Variants in MSI2 observed in about 807,000 individuals in gnomAD.
The protein encoded by MSI2 is RNA-binding protein Musashi homolog 2.
In MSI2, 17 loss-of-function variants were observed where a neutral mutation model predicts 45.6. That is an observed-to-expected ratio of 0.37 (90% confidence interval 0.26 to 0.56). The LOEUF (loss-of-function observed/expected upper bound fraction) is 0.56. MSI2 is among the 20% of genes least tolerant of loss of function. The pLI, the probability that MSI2 is intolerant of heterozygous loss-of-function variation, is 0.77. For missense variants in MSI2, 293 were observed against 444.2 expected (o/e 0.66, Z 3.06); for synonymous variants, 156 against 158.2 (o/e 0.99, Z 0.11).
At chr17:57,331,284 T>C (rs1243161106) in intron 5 of MSI2, among the ~76,000 whole-genome samples, 1 of 152,216 alleles carries the variant, frequency 6.6e-6, no homozygotes, top group Non-Finnish European at 1.5e-5. Flanking sequence ...CAGGACACAC[T>C]GTCCAGTCTT....
intron 13 of MSI2, among the ~76,000 whole-genome samples, chr17:57,678,817 T>A (rs1187608746): frequency 1.3e-5 from 2 of 152,190 alleles, no homozygotes; most frequent in African/African-American, 4.8e-5. Flanking sequence ...GGTGAGCTCA[T>A]AGAGTCAGAT....
chr17:57,697,143 GACACAC>G, the MSI2 span, among the ~76,000 whole-genome samples: 1 of 54,098 alleles, frequency 1.8e-5, no homozygotes, highest in Non-Finnish European at 3.8e-5. Flanking sequence ...TCGCCAGCAG[GACACAC>G]ACACACACAC....
chr17:57,275,040 G>A (rs981811365), intron 5 of MSI2, among the ~76,000 whole-genome samples: 1 of 152,218 alleles, frequency 6.6e-6, no homozygotes, highest in South Asian at 2.1e-4. Context: ...AAGATACAAA[G>A]TGTTCTGTTC....
intron 7 of MSI2, among the ~76,000 whole-genome samples, chr17:57,565,267 A>G (rs2087700587): frequency 6.6e-6 from 1 of 152,002 alleles, no homozygotes; most frequent in Admixed American, 6.5e-5. Flanking sequence ...TGGATTTCCC[A>G]TTTTTCTGTA....
intron 7 of MSI2, among the ~76,000 whole-genome samples, chr17:57,536,324 C>T (rs9894423): frequency 0.037 from 5,612 of 152,176 alleles, 338 homozygotes; most frequent in African/African-American, 0.13. Context: ...TTGACAAAAA[C>T]GATCAGACCC....
chr17:57,571,078 G>A (rs889425302), intron 7 of MSI2, among the ~76,000 whole-genome samples: 5 of 152,330 alleles, frequency 3.3e-5, no homozygotes, highest in South Asian at 2.1e-4. Flanking sequence ...TTGATGTATT[G>A]GGTCCAGTGA....
At chr17:57,452,551 C>T (rs774240957) in intron 6 of MSI2, among the ~76,000 whole-genome samples, 9 of 152,240 alleles carry the variant, frequency 5.9e-5, no homozygotes, top group African/African-American at 1.9e-4. Context: ...CTGCTTGCTT[C>T]CACTCTGTAC....
chr17:57,286,425 T>G (rs1321971979), intron 5 of MSI2, among the ~76,000 whole-genome samples: 1 of 152,212 alleles, frequency 6.6e-6, no homozygotes, highest in African/African-American at 2.4e-5. Context: ...CTGAGAGTCA[T>G]TGATTCACTA....
intron 5 of MSI2, among the ~76,000 whole-genome samples, chr17:57,377,034 C>T (rs1466314351): frequency 6.6e-6 from 1 of 152,034 alleles, no homozygotes; most frequent in African/African-American, 2.4e-5. Context: ...CATTCTCCTG[C>T]CTCAGCCTCC....
At chr17:57,353,907 T>C (rs1207557830) in intron 5 of MSI2, among the ~76,000 whole-genome samples, 2 of 152,102 alleles carry the variant, frequency 1.3e-5, no homozygotes, top group African/African-American at 4.8e-5. Context: ...ATAGTAAATA[T>C]TTTAGGCTTT....
intron 5 of MSI2, among the ~76,000 whole-genome samples, chr17:57,323,233 C>T (rs1177633933): frequency 1.3e-5 from 2 of 152,146 alleles, no homozygotes; most frequent in Non-Finnish European, 2.9e-5. Flanking sequence ...CTCATCTGTT[C>T]CACACAGATT....
At chr17:57,329,574 G>T (rs935312297) in intron 5 of MSI2, among the ~76,000 whole-genome samples, 2 of 152,190 alleles carry the variant, frequency 1.3e-5, no homozygotes, top group African/African-American at 2.4e-5. Flanking sequence ...GTGGGTGTTT[G>T]TGTGGGGAGG....
chr17:57,649,281 C>T (rs746759712), intron 10 of MSI2, among the ~76,000 whole-genome samples: 90 of 151,884 alleles, frequency 5.9e-4, no homozygotes, highest in African/African-American at 9.2e-4. Context: ...GTACACAATA[C>T]GTACACTCAA....
intron 7 of MSI2, among the ~76,000 whole-genome samples, chr17:57,562,530 G>A (rs1410576686): frequency 1.3e-5 from 2 of 152,244 alleles, no homozygotes; most frequent in Admixed American, 1.3e-4. Context: ...CGTAGCACGC[G>A]ACAGTGGGTC....
At chr17:57,334,948 C>CTT (rs199679226) in intron 5 of MSI2, among the ~76,000 whole-genome samples, 1,732 of 144,452 alleles carry the variant, frequency 0.012, 37 homozygotes, top group African/African-American at 0.042. Context: ...GAGCAAGTAG[C>CTT]TTTTTTTTTT....
Position 57,258,350 on chromosome 17 carries a change from A to G in MSI2, c.266A>G (p.Lys89Arg). 1 of 1,613,714 alleles carries G rather than the reference A, an allele frequency of 6.2e-7. No homozygotes were observed. The highest frequency in any genetic ancestry group is 8.5e-7 in the Non-Finnish European group (1 of 1,179,580). Residue 89 changes from lysine to arginine, a missense_variant, in exon 4 of 14, where the codon AAG becomes AGG. Physicochemically the swap from Lys to Arg is conservative, Grantham distance 26. Transcript: ENST00000284073. ...LGQPHHELDS[K>R]TIDPKVAFPR... ...CAGCCCCACCATGAGTTAGATTCCA[A>G]GACGGTAGGTTGCTTTTTGTTGTTG...
intron 10 of MSI2, among the ~76,000 whole-genome samples, chr17:57,650,194 C>T (rs985260636): frequency 6.6e-6 from 1 of 151,830 alleles, no homozygotes; most frequent in Non-Finnish European, 1.5e-5. Context: ...TGACTACACT[C>T]CCCTCCCCCA....
chr17:57,383,113 G>A (rs1421399770), intron 5 of MSI2, among the ~76,000 whole-genome samples: 1 of 152,212 alleles, frequency 6.6e-6, no homozygotes, highest in African/African-American at 2.4e-5. Flanking sequence ...AGCAAGGACA[G>A]AGACCCAGAG....
chr17:57,344,723 C>G (rs1260216885), intron 5 of MSI2, among the ~76,000 whole-genome samples: 1 of 152,166 alleles, frequency 6.6e-6, no homozygotes, highest in African/African-American at 2.4e-5. Flanking sequence ...GTTCACACCA[C>G]ACCTCCAAGT....
Sources: gnomAD v4.1 joint callset for allele counts (sites outside exome capture counted in the v4.1 genomes callset) on GRCh38, gnomAD v4.1.1 for gene constraint, MANE v1.5 for transcripts, NCBI Gene and HGNC (gene_info 2026-07-23, HGNC 2026-07-21) for gene names.